Variants in TRABD2B observed in about 807,000 individuals in gnomAD.
The protein encoded by TRABD2B is TraB domain containing 2B, also known as metalloprotease TIKI2.
TRABD2B carries 14 observed loss-of-function variants against 40.1 expected under a neutral mutation model. The observed-to-expected ratio is 0.35, with a 90% confidence interval of 0.23 to 0.55. The LOEUF (loss-of-function observed/expected upper bound fraction) is 0.55, where lower values mean the gene tolerates loss of function less well. Ranked by LOEUF, TRABD2B falls within the 20% of genes least tolerant of loss-of-function variation. TRABD2B has a pLI of 0.90. For missense variants in TRABD2B, 541 were observed against 648.6 expected (o/e 0.83, Z 1.80); for synonymous variants, 263 against 277.0 (o/e 0.95, Z 0.50).
In TRABD2B at chr1:47,794,571, CA is replaced by C; in HGVS notation, c.988+14del. 6.6e-7 allele frequency: 1 copy of C among 1,510,414 alleles called. No individual in the cohort carries two copies. The highest frequency in any genetic ancestry group is 8.9e-7 in the Non-Finnish European group (1 of 1,129,558). The allele number at this position is 1,510,414 out of a possible 1,614,324, so 93.6% of individuals were successfully genotyped here. ...AGGATTCTGCAAACAATCCCTTCCC[CA>C]CACTGGCCCAAACCTGCTCCGAAGG... On this transcript the variant is annotated intron_variant, in intron 4 of 6. Coordinates refer to ENST00000606738, the MANE Select transcript of TRABD2B (RefSeq NM_001194986.2).
In TRABD2B at chr1:47,982,518, G is replaced by A. The variant is rs138648968; in HGVS notation, c.666+11516C>T. 9.2e-5 allele frequency among the ~76,000 whole-genome samples: 14 copies of A among 152,270 alleles called. 1 individual carries two copies. The highest frequency in any genetic ancestry group is 2.9e-4 in the African/African-American group (12 of 41,542). ...ACTCCAGTCCAGTTTCTTCCTTAAG[G>A]TATCAAAAGATCCAAGTAGAAATCC... is the stretch of plus-strand genomic sequence containing the variant. On this transcript the variant is annotated intron_variant, in intron 2 of 6. Transcript: ENST00000606738.
intron 2 of TRABD2B, among the ~76,000 whole-genome samples, chr1:47,953,069 T>C (rs919279387): frequency 6.6e-6 from 1 of 151,984 alleles, no homozygotes; most frequent in East Asian, 1.9e-4. Flanking sequence ...TAGGGGAACA[T>C]TTGCTTGGGG....
intron 2 of TRABD2B, among the ~76,000 whole-genome samples, chr1:47,887,938 CT>C (rs1462582654): frequency 5.9e-5 from 9 of 152,318 alleles, no homozygotes; most frequent in South Asian, 2.1e-4. Context: ...CAAGGTGTCT[CT>C]GCTTCAAAGC....
intron 2 of TRABD2B, among the ~76,000 whole-genome samples, chr1:47,905,340 G>A (rs1054777253): frequency 1.3e-5 from 2 of 152,188 alleles, no homozygotes; most frequent in African/African-American, 4.8e-5. Context: ...CAGAGGAGCC[G>A]TCCTGGCAGC....
At chr1:47,824,691 G>A (rs1257099505) in intron 2 of TRABD2B, among the ~76,000 whole-genome samples, 1 of 152,190 alleles carries the variant, frequency 6.6e-6, no homozygotes, top group Non-Finnish European at 1.5e-5. Context: ...GAGAGCAGGT[G>A]CAGGATGAAT....
intron 2 of TRABD2B, among the ~76,000 whole-genome samples, chr1:47,853,417 C>G (rs1643855995): frequency 6.6e-6 from 1 of 152,222 alleles, no homozygotes; most frequent in African/African-American, 2.4e-5. Context: ...CAAACGCACT[C>G]TGGGCCCAGC....
chr1:47,956,266 G>A (rs1184547578), intron 2 of TRABD2B, among the ~76,000 whole-genome samples: 1 of 152,214 alleles, frequency 6.6e-6, no homozygotes, highest in Non-Finnish European at 1.5e-5. Context: ...AATAGGAACA[G>A]CTCCAGTCTA....
intron 2 of TRABD2B, among the ~76,000 whole-genome samples, chr1:47,816,652 G>C (rs1645036164): frequency 1.3e-5 from 2 of 152,088 alleles, no homozygotes; most frequent in African/African-American, 4.8e-5. Context: ...TGATCCCCCA[G>C]ATCCACTCAG....
intron 5 of TRABD2B, among the ~76,000 whole-genome samples, chr1:47,777,432 C>G (rs1055349057): frequency 6.6e-6 from 1 of 152,086 alleles, no homozygotes; most frequent in Non-Finnish European, 1.5e-5. Context: ...GAGGGTTTAT[C>G]GAGACCTCAG....
chr1:47,981,262 C>T (rs1255586467), intron 2 of TRABD2B, among the ~76,000 whole-genome samples: 1 of 152,166 alleles, frequency 6.6e-6, no homozygotes, highest in East Asian at 1.9e-4. Flanking sequence ...GATCCACCCA[C>T]CTCGGCCTCC....
At chr1:47,914,895 T>C (rs1005982583) in intron 2 of TRABD2B, among the ~76,000 whole-genome samples, 2 of 152,204 alleles carry the variant, frequency 1.3e-5, no homozygotes, top group East Asian at 3.9e-4. Context: ...ATGAACCAGA[T>C]AGACACAGTC....
chr1:47,779,811 C>T (rs1644496355), intron 4 of TRABD2B, among the ~76,000 whole-genome samples: 1 of 152,188 alleles, frequency 6.6e-6, no homozygotes, highest in South Asian at 2.1e-4. Flanking sequence ...TGCACTATTC[C>T]TCTAATTGCC....
At chr1:47,965,802 G>A (rs1030178158) in intron 2 of TRABD2B, among the ~76,000 whole-genome samples, 1 of 152,168 alleles carries the variant, frequency 6.6e-6, no homozygotes, top group Non-Finnish European at 1.5e-5. Context: ...AGATCATGAA[G>A]AGCAAGGGTA....
intron 2 of TRABD2B, among the ~76,000 whole-genome samples, chr1:47,817,743 G>A (rs995707294): frequency 3.9e-5 from 6 of 152,154 alleles, no homozygotes; most frequent in Non-Finnish European, 8.8e-5. Context: ...CGCAGGACAT[G>A]CAAGGAGGCC....
chr1:47,801,200 G>C (rs1362337859), intron 3 of TRABD2B, among the ~76,000 whole-genome samples: 1 of 152,148 alleles, frequency 6.6e-6, no homozygotes, highest in African/African-American at 2.4e-5. Context: ...AGGCCTCCCT[G>C]GTCTTACAAG....
intron 2 of TRABD2B, among the ~76,000 whole-genome samples, chr1:47,838,648 G>C (rs1645351083): frequency 6.6e-6 from 1 of 152,194 alleles, no homozygotes; most frequent in South Asian, 2.1e-4. Context: ...AAGTCCCTTT[G>C]GTGACACTTG....
intron 2 of TRABD2B, among the ~76,000 whole-genome samples, chr1:47,969,028 T>C (rs1201978701): frequency 6.6e-6 from 1 of 152,180 alleles, no homozygotes; most frequent in Non-Finnish European, 1.5e-5. Context: ...ATGCCTATCA[T>C]TAACACATTA....
intron 2 of TRABD2B, among the ~76,000 whole-genome samples, chr1:47,904,073 T>G (rs1049948958): frequency 2.0e-5 from 3 of 152,104 alleles, no homozygotes; most frequent in Non-Finnish European, 4.4e-5. Context: ...AAACCTAACT[T>G]GAGCACAAAC....
At chr1:47,796,115 C>A (rs1644744967) in intron 3 of TRABD2B, among the ~76,000 whole-genome samples, 1 of 152,218 alleles carries the variant, frequency 6.6e-6, no homozygotes, top group Non-Finnish European at 1.5e-5. Context: ...CTATTCCCAA[C>A]ATTTTGTCTT....
Sources: gnomAD v4.1 joint callset for allele counts (sites outside exome capture counted in the v4.1 genomes callset) on GRCh38, gnomAD v4.1.1 for gene constraint, MANE v1.5 for transcripts, NCBI Gene and HGNC (gene_info 2026-07-23, HGNC 2026-07-21) for gene names.